The following MORC3 variants were observed in gnomAD, a reference collection of about 807,000 sequenced individuals.
MORC3 encodes MORC family CW-type zinc finger protein 3.
A neutral mutation model predicts 109.1 loss-of-function variants in MORC3; 31 were observed. The observed-to-expected ratio is 0.28, with a 90% CI of 0.21 to 0.38. The LOEUF (loss-of-function observed/expected upper bound fraction) is 0.38. Ranked by LOEUF, MORC3 falls within the 10% of genes least tolerant of loss-of-function variation. The pLI, the probability that MORC3 is intolerant of heterozygous loss-of-function variation, is 1.00. For missense variants in MORC3, 867 were observed against 1,135.8 expected (o/e 0.76, Z 3.40); for synonymous variants, 395 against 380.7 (o/e 1.04, Z -0.44).
At chr21:36,359,861 A>G (rs1255738520) in intron 10 of MORC3, 94 bp from the exon 11 acceptor site, 1 of 1,518,110 alleles carries the variant, frequency 6.6e-7, no homozygotes, top group African/African-American at 1.4e-5. Context: ...GGAATTAAAT[A>G]ATGGCATCTT....
chr21:36,376,413 C>G lies in MORC3; in HGVS notation c.*1117C>G, dbSNP rs941951680. 7 of 152,252 alleles carry G rather than the reference C, an allele frequency of 4.6e-5. No individual in the cohort carries two copies. Among genetic ancestry groups the G allele is most frequent in the Middle Eastern group, 3.4e-3 (1 of 294 alleles). The allele number at this position is 152,252 out of a possible 1,614,324, so 9.4% of individuals were successfully genotyped here. A position where few individuals can be genotyped will look rare whatever the true frequency, so the allele number is the denominator to read the frequency against. On this transcript the variant is annotated 3_prime_UTR_variant, in exon 17 of 17. Coordinates refer to ENST00000400485, the MANE Select transcript of MORC3 (RefSeq NM_015358.3). ...TACCTTTGTTTTTGAACATTCAATC[C>G]GTTCATTTTGTATGTATGCTTAATA... is the stretch of plus-strand genomic sequence containing the variant.
chr21:36,364,060 T>G, intron 13 of MORC3, 33 bp from the exon 14 acceptor site: 3 of 1,593,904 alleles, frequency 1.9e-6, no homozygotes, highest in Non-Finnish European at 2.6e-6. Flanking sequence ...CTAGAAATAG[T>G]TCCTTTAAGG....
Position 36,369,891 on chromosome 21 carries a change from C to G in MORC3, c.2508+15C>G. 6.2e-7 allele frequency: 1 copy of G among 1,604,522 alleles called. No individual in the cohort carries two copies. The highest frequency in any genetic ancestry group is 8.5e-7 in the Non-Finnish European group (1 of 1,178,322). On this transcript the variant is annotated intron_variant, in intron 15 of 16. Transcript: ENST00000400485. The stretch of plus-strand genomic sequence containing the variant: ...ATAAAAGTGAGGTGAGTTATATCAT[C>G]CAACATGTAGTCATGGAGTCCAGGG...
chr21:36,324,102 C>T (rs772919699), intron 1 of MORC3, among the ~76,000 whole-genome samples: 4 of 151,992 alleles, frequency 2.6e-5, no homozygotes, highest in African/African-American at 7.2e-5. Flanking sequence ...CTTGAACTTC[C>T]GACCTCAGGT....
chr21:36,330,984 A>G (rs981678467), intron 1 of MORC3, among the ~76,000 whole-genome samples: 2 of 152,210 alleles, frequency 1.3e-5, no homozygotes, highest in African/African-American at 4.8e-5. Flanking sequence ...CATATATACC[A>G]GTTTGAACAG....
At chr21:36,365,267 T>C (rs2085767471) in intron 14 of MORC3, among the ~76,000 whole-genome samples, 1 of 152,264 alleles carries the variant, frequency 6.6e-6, no homozygotes, top group East Asian at 1.9e-4. Context: ...GGTACTTACG[T>C]TGGTTCCTGA....
At chr21:36,345,271 G>A (rs961306611) in intron 8 of MORC3, among the ~76,000 whole-genome samples, 6 of 140,802 alleles carry the variant, frequency 4.3e-5, no homozygotes, top group Non-Finnish European at 9.0e-5. Flanking sequence ...TTTTTGAGAC[G>A]GAGTCTGAGT....
chr21:36,358,853 G>A (rs1396702972), intron 10 of MORC3, among the ~76,000 whole-genome samples: 1 of 151,948 alleles, frequency 6.6e-6, no homozygotes, highest in African/African-American at 2.4e-5. Context: ...CTTATTTTTT[G>A]TATTTTTAGT....
At chr21:36,356,793 T>C in intron 10 of MORC3, 69 bp downstream of exon 10, 1 of 939,208 alleles carries the variant, frequency 1.1e-6, no homozygotes, top group South Asian at 1.8e-5. Context: ...GTAAAGGGAT[T>C]GTACAATGTT....
chr21:36,372,597 G>A, intron 16 of MORC3, 66 bp downstream of exon 16: 1 of 1,428,626 alleles, frequency 7.0e-7, no homozygotes. Flanking sequence ...ATTTTTATCT[G>A]CTAGCACCCA....
At chr21:36,348,107 C>T (rs2085531237) in intron 8 of MORC3, 1 of 152,198 alleles carries the variant, frequency 6.6e-6, no homozygotes, top group Non-Finnish European at 1.5e-5. Flanking sequence ...TAGCTACAAT[C>T]ATGAACAAAA....
At chr21:36,324,120 C>T (rs951897110) in intron 1 of MORC3, among the ~76,000 whole-genome samples, 6 of 152,136 alleles carry the variant, frequency 3.9e-5, no homozygotes. Flanking sequence ...GGTAATCTGC[C>T]CGCCCTGGCC....
intron 4 of MORC3, 84 bp downstream of exon 4, chr21:36,338,030 A>T: frequency 7.1e-7 from 1 of 1,399,042 alleles, no homozygotes. Context: ...CTTCTTCCAG[A>T]TTATTCCCTT....
chr21:36,346,437 AT>A (rs2085508308), intron 8 of MORC3, among the ~76,000 whole-genome samples: 1 of 152,092 alleles, frequency 6.6e-6, no homozygotes, highest in Non-Finnish European at 1.5e-5. Flanking sequence ...CATTCCTGTA[AT>A]CCTAGTGCTT....
In MORC3 at chr21:36,369,305, G is replaced by A; in HGVS notation, c.1937G>A (p.Ser646Asn). The change falls in exon 15 of 17, where the codon AGT (serine) becomes AAT (asparagine). Residue 646 changes from serine to asparagine, a missense_variant. Around this residue, in one of 7 missense-constraint regions of MORC3, gnomAD observed 486 missense variants for 502.1 expected, o/e 0.97. Transcript: ENST00000400485. ...GCAGCTACCCAGACTGAAGTACCAA[G>A]TTTAGTTGTTAAAAAAGAAGAAACT... ...NTAATQTEVPSLVVKKEETVE... is the reference protein window; with the variant it reads ...NTAATQTEVPNLVVKKEETVE... 2 of 1,614,156 alleles carry A rather than the reference G, an allele frequency of 1.2e-6. No individual in the cohort carries two copies. The highest frequency in any genetic ancestry group is 2.7e-5 in the African/African-American group (2 of 75,044).
At chr21:36,361,235 T>C (rs1256415411) in intron 12 of MORC3, among the ~76,000 whole-genome samples, 4 of 151,712 alleles carry the variant, frequency 2.6e-5, no homozygotes, top group Non-Finnish European at 5.9e-5. Context: ...AATCCAGCAA[T>C]AGTATTGGAA....
At chr21:36,356,519 G>T in intron 9 of MORC3, 101 bp from the exon 10 acceptor site, 1 of 592,194 alleles carries the variant, frequency 1.7e-6, no homozygotes, top group South Asian at 2.7e-5. Context: ...TATATGTTTT[G>T]GAGTTTTTTC....
rs146827437 is a variant in MORC3, at chr21:36,369,342, G to C, written c.1974G>C (p.Glu658Asp). ...VVKKEETVED[E>D]IDVRNDAVIL... ...AAAAAGAAGAAACTGTTGAAGACGA[G>C]ATAGACGTAAGAAATGATGCAGTGA... The change falls in exon 15 of 17, where the codon GAG becomes GAC. Residue 658 changes from glutamate to aspartate, a missense_variant. Glu to Asp is a conservative substitution (Grantham distance 45). Around this residue, in one of 7 missense-constraint regions of MORC3, gnomAD observed 486 missense variants for 502.1 expected, o/e 0.97. Transcript: ENST00000400485. 5.0e-5 allele frequency: 81 copies of C among 1,614,178 alleles called. 1 individual carries two copies. The African/African-American group carries it at 8.8e-4, about 18-fold the overall frequency.
chr21:36,369,593 A>G lies in MORC3; in HGVS notation c.2225A>G (p.Glu742Gly). 1 of 1,614,246 alleles carries G rather than the reference A, an allele frequency of 6.2e-7. No homozygotes were observed. Among genetic ancestry groups the G allele is most frequent in the Non-Finnish European group, 8.5e-7 (1 of 1,180,044 alleles). Residue 742 changes from glutamate (E) to glycine (G), a missense_variant, in exon 15 of 17, where the codon GAA becomes GGA. Coordinates refer to ENST00000400485, the MANE Select transcript of MORC3 (RefSeq NM_015358.3). ...LEMNDKYVKKETCHQSTETDA... is the reference protein window; with the variant it reads ...LEMNDKYVKKGTCHQSTETDA... ...ATGAATGACAAGTATGTTAAGAAAG[A>G]AACTTGCCATCAGTCCACTGAAACC...
Sources: gnomAD v4.1 joint callset for allele counts (sites outside exome capture counted in the v4.1 genomes callset) on GRCh38, gnomAD v4.1.1 for gene constraint, gnomAD v4.1.1 regional missense constraint, MANE v1.5 for transcripts, NCBI Gene and HGNC (gene_info 2026-07-23, HGNC 2026-07-21) for gene names.